DLG2: variants seen among roughly 807,000 people sequenced by gnomAD.
The protein encoded by DLG2 is disks large homolog 2.
DLG2 carries 45 observed loss-of-function variants against 132.5 expected under a neutral mutation model. The observed-to-expected ratio is 0.34, with a 90% CI of 0.27 to 0.44. DLG2 has a LOEUF of 0.44. Among genes scored for constraint, DLG2 ranks in the 20% least tolerant of loss-of-function variants. The pLI is 1.00. For synonymous variants in DLG2, 424 were observed against 419.6 expected (o/e 1.01, Z -0.13); for missense variants, 1,045 against 1,196.9 (o/e 0.87, Z 1.87).
At chr11:83,629,189 C>A (rs1490488691) in intron 19 of DLG2, among the ~76,000 whole-genome samples, 1 of 152,104 alleles carries the variant, frequency 6.6e-6, no homozygotes, top group Non-Finnish European at 1.5e-5. Flanking sequence ...TCTGTCTTCC[C>A]CAGCAGACAT....
At chr11:85,186,511 T>C (rs1031961273) in intron 4 of DLG2, among the ~76,000 whole-genome samples, 2 of 152,090 alleles carry the variant, frequency 1.3e-5, no homozygotes, top group Non-Finnish European at 2.9e-5. Flanking sequence ...AATAAATAAA[T>C]GGGCAAATAC....
intron 18 of DLG2, among the ~76,000 whole-genome samples, chr11:83,783,668 T>C (rs1280594256): frequency 6.6e-6 from 1 of 152,150 alleles, no homozygotes; most frequent in Non-Finnish European, 1.5e-5. Context: ...TTGTTAAATA[T>C]AGGTATGGTG....
chr11:84,924,387 C>T (rs541643590), intron 6 of DLG2, among the ~76,000 whole-genome samples: 1 of 152,258 alleles, frequency 6.6e-6, no homozygotes, highest in African/African-American at 2.4e-5. Context: ...CTTCCAGCAA[C>T]AAGGAAGATC....
At chr11:84,487,265 A>T (rs1311697889) in intron 7 of DLG2, among the ~76,000 whole-genome samples, 2 of 152,190 alleles carry the variant, frequency 1.3e-5, no homozygotes, top group Non-Finnish European at 2.9e-5. Context: ...GTAATTCAAG[A>T]TAAACCATAA....
chr11:84,018,155 C>G (rs1484847638), intron 11 of DLG2, among the ~76,000 whole-genome samples: 1 of 151,846 alleles, frequency 6.6e-6, no homozygotes, highest in East Asian at 1.9e-4. Context: ...TATCTCTTCC[C>G]TCTCCTAGTG....
intron 18 of DLG2, among the ~76,000 whole-genome samples, chr11:83,656,922 T>C (rs1318594416): frequency 6.6e-6 from 1 of 152,024 alleles, no homozygotes; most frequent in African/African-American, 2.4e-5. Flanking sequence ...GAACCTCCAA[T>C]AGTCACGTTT....
In DLG2 at chr11:85,030,000, C is replaced by T. The variant is rs188362372; in HGVS notation, c.357+81661G>A. Among the ~76,000 whole-genome samples, 87 of 152,258 alleles carry T rather than the reference C, an allele frequency of 5.7e-4. 2 individuals are homozygous for T. The East Asian group carries it at 0.013, about 23-fold the overall frequency. On this transcript the variant is annotated intron_variant, in intron 6 of 27. Transcript: ENST00000376104. The stretch of plus-strand genomic sequence containing the variant: ...GTAACCAATCCAGTTGTTTCTGTAC[C>T]TCACTTCTGTTTTATATATGTCACT...
chr11:84,682,910 G>T (rs1473052350), intron 6 of DLG2, among the ~76,000 whole-genome samples: 1 of 152,096 alleles, frequency 6.6e-6, no homozygotes, highest in Admixed American at 6.5e-5. Context: ...TTCCAATACT[G>T]GATCTATCAC....
At chr11:84,489,991 AG>A (rs1242184299) in intron 7 of DLG2, among the ~76,000 whole-genome samples, 5 of 152,150 alleles carry the variant, frequency 3.3e-5, no homozygotes, top group Non-Finnish European at 7.4e-5. Context: ...ATAGAAAAAA[AG>A]AAGATATTTT....
intron 9 of DLG2, among the ~76,000 whole-genome samples, chr11:84,145,583 A>C (rs1386551383): frequency 6.6e-6 from 1 of 152,164 alleles, no homozygotes; most frequent in African/African-American, 2.4e-5. Flanking sequence ...TGTGCTGGTA[A>C]AAATCAGGGC....
At chr11:84,831,655 A>G (rs1382995803) in intron 6 of DLG2, among the ~76,000 whole-genome samples, 1 of 151,426 alleles carries the variant, frequency 6.6e-6, no homozygotes, top group African/African-American at 2.4e-5. Context: ...CTGTTCTACT[A>G]ATTCAACACT....
intron 7 of DLG2, among the ~76,000 whole-genome samples, chr11:84,425,537 T>C (rs933256173): frequency 6.6e-6 from 1 of 152,272 alleles, no homozygotes; most frequent in East Asian, 1.9e-4. Flanking sequence ...ATTCTACATA[T>C]ACATAAAGAA....
chr11:84,727,024 A>C (rs1265553068), intron 6 of DLG2, among the ~76,000 whole-genome samples: 2 of 152,136 alleles, frequency 1.3e-5, no homozygotes, highest in Non-Finnish European at 2.9e-5. Flanking sequence ...AGATTGCAAA[A>C]ATTTTCTCCC....
At chr11:85,579,052 T>C (rs2078343063) in intron 3 of DLG2, among the ~76,000 whole-genome samples, 1 of 152,038 alleles carries the variant, frequency 6.6e-6, no homozygotes, top group South Asian at 2.1e-4. Flanking sequence ...TACACAGCCA[T>C]AAAAAAGAAC....
chr11:84,873,457 G>C (rs561272812), intron 6 of DLG2, among the ~76,000 whole-genome samples: 70 of 152,284 alleles, frequency 4.6e-4, no homozygotes, highest in African/African-American at 1.7e-3. Flanking sequence ...AGTTTGTGTT[G>C]TTTTAAACCA....
chr11:83,878,207 T>G (rs1362785477), intron 15 of DLG2, among the ~76,000 whole-genome samples: 5 of 152,192 alleles, frequency 3.3e-5, no homozygotes, highest in Non-Finnish European at 7.4e-5. Context: ...AAGTCATGTG[T>G]GCTTTCAGAG....
chr11:83,633,282 C>T lies in DLG2; in HGVS notation c.1869G>A (p.Gln623=), dbSNP rs770075047. 2 of 1,613,724 alleles carry T rather than the reference C, an allele frequency of 1.2e-6. No individual in the cohort carries two copies. Among genetic ancestry groups the T allele is most frequent in the Non-Finnish European group, 1.7e-6 (2 of 1,179,746 alleles). ...CGGAGCTCATGCTGTGGTTCATCAT[C>T]TGCTCTCGTAGGTCATGGATTTTGG... ...FEAKIHDLRE[Q]MMNHSMSSGS... The change falls in exon 19 of 28, where the codon CAG becomes CAA. Residue 623 remains glutamine (Q), a synonymous_variant. Coordinates refer to ENST00000376104, the MANE Select transcript of DLG2 (RefSeq NM_001142699.3).
chr11:84,934,385 C>T (rs142811990), intron 6 of DLG2, among the ~76,000 whole-genome samples: 3,002 of 151,736 alleles, frequency 0.02, 55 homozygotes, highest in Admixed American at 0.043. Context: ...ATACGGGCCT[C>T]ACAGAATGAG....
rs919838453 is a variant in DLG2, at chr11:83,480,394, G to C, written c.2293+3735C>G. On this transcript the variant is annotated intron_variant, in intron 22 of 27. Transcript: ENST00000376104. ...TACGGTAGCTACTTTCGCTATCGCT[G>C]GCATTAGAAGAAACATGTTCTGCAA... 46 of 1,535,310 alleles carry C rather than the reference G, an allele frequency of 3.0e-5. 1 individual carries two copies. The highest frequency in any genetic ancestry group is 1.7e-4 in the Middle Eastern group (1 of 6,000).
Sources: gnomAD v4.1 joint callset for allele counts (sites outside exome capture counted in the v4.1 genomes callset) on GRCh38, gnomAD v4.1.1 for gene constraint, MANE v1.5 for transcripts, NCBI Gene and HGNC (gene_info 2026-07-23, HGNC 2026-07-21) for gene names.